The following SLC2A13 variants were observed in gnomAD, a reference collection of about 807,000 sequenced individuals.
SLC2A13 encodes the protein solute carrier family 2 member 13, also known as proton myo-inositol cotransporter.
A neutral mutation model predicts 64.4 loss-of-function variants in SLC2A13; 32 were observed. The ratio of observed to expected loss-of-function variants is 0.50; its 90% CI spans 0.37 to 0.67. The LOEUF (loss-of-function observed/expected upper bound fraction) is 0.67. SLC2A13 is among the 30% of genes least tolerant of loss of function. The pLI is 0.00. For synonymous variants in SLC2A13, 338 were observed against 327.1 expected (o/e 1.03, Z -0.36); for missense variants, 743 against 829.2 (o/e 0.90, Z 1.28).
chr12:40,091,278 T>C (rs1000873336), intron 1 of SLC2A13, among the ~76,000 whole-genome samples: 1 of 152,226 alleles, frequency 6.6e-6, no homozygotes, highest in African/African-American at 2.4e-5. Context: ...AATAAGATCC[T>C]TGAATTCCAC....
At chr12:39,910,045 A>G (rs942626213) in intron 4 of SLC2A13, among the ~76,000 whole-genome samples, 1 of 152,186 alleles carries the variant, frequency 6.6e-6, no homozygotes, top group African/African-American at 2.4e-5. Flanking sequence ...CCTTAGATAC[A>G]TTAGTGTTAT....
chr12:39,794,752 C>T (rs1405118802), intron 7 of SLC2A13, among the ~76,000 whole-genome samples: 9 of 152,136 alleles, frequency 5.9e-5, no homozygotes. Context: ...GCCTGATTTG[C>T]GAATCATTCT....
chr12:39,850,003 T>G (rs1332527744), intron 6 of SLC2A13, among the ~76,000 whole-genome samples: 1 of 152,166 alleles, frequency 6.6e-6, no homozygotes, highest in South Asian at 2.1e-4. Context: ...TCTTTCCTCA[T>G]TTTTCTTGAA....
chr12:39,812,223 A>G (rs1422576416), intron 7 of SLC2A13, among the ~76,000 whole-genome samples: 1 of 152,096 alleles, frequency 6.6e-6, no homozygotes, highest in East Asian at 1.9e-4. Flanking sequence ...GAGGGAATCT[A>G]TCTGGGGCCC....
chr12:39,792,847 C>T (rs922625508), intron 7 of SLC2A13, among the ~76,000 whole-genome samples: 1 of 151,254 alleles, frequency 6.6e-6, no homozygotes, highest in African/African-American at 2.4e-5. Flanking sequence ...CAGTTCAAAC[C>T]GATATTGTTC....
intron 3 of SLC2A13, among the ~76,000 whole-genome samples, chr12:39,999,763 G>A (rs1947293646): frequency 6.6e-6 from 1 of 152,156 alleles, no homozygotes; most frequent in Non-Finnish European, 1.5e-5. Flanking sequence ...GCCCTTTGCT[G>A]TTTCCTCAGA....
At chr12:39,971,309 A>G (rs1349114326) in intron 3 of SLC2A13, among the ~76,000 whole-genome samples, 1 of 152,228 alleles carries the variant, frequency 6.6e-6, no homozygotes, top group Non-Finnish European at 1.5e-5. Context: ...AGCTTACTAT[A>G]AGTGCTCAAT....
At chr12:39,936,020 C>G (rs1218528552) in intron 4 of SLC2A13, among the ~76,000 whole-genome samples, 1 of 152,174 alleles carries the variant, frequency 6.6e-6, no homozygotes, top group Non-Finnish European at 1.5e-5. Flanking sequence ...CAAAGATGGG[C>G]AAAAGCCACA....
intron 6 of SLC2A13, among the ~76,000 whole-genome samples, chr12:39,841,449 G>C (rs1943174517): frequency 6.6e-6 from 1 of 152,050 alleles, no homozygotes; most frequent in Non-Finnish European, 1.5e-5. Flanking sequence ...CAACTCCAGT[G>C]GGGGTTAAGT....
intron 6 of SLC2A13, among the ~76,000 whole-genome samples, chr12:39,833,914 A>C (rs1423567766): frequency 6.6e-6 from 1 of 150,450 alleles, no homozygotes; most frequent in Non-Finnish European, 1.5e-5. Context: ...AAAAAAAAAA[A>C]TCTCTGACCT....
intron 1 of SLC2A13, among the ~76,000 whole-genome samples, chr12:40,055,945 A>C (rs1347209725): frequency 6.6e-6 from 1 of 151,770 alleles, no homozygotes; most frequent in Non-Finnish European, 1.5e-5. Context: ...AGCTGCTTGC[A>C]TAACAACTAA....
intron 7 of SLC2A13, among the ~76,000 whole-genome samples, chr12:39,793,967 G>C (rs753296355): frequency 3.3e-5 from 5 of 151,904 alleles, no homozygotes; most frequent in Non-Finnish European, 7.4e-5. Context: ...CCTTGGCCAA[G>C]AAGAGGGATG....
At chr12:40,003,284 T>C (rs1947349333) in intron 3 of SLC2A13, among the ~76,000 whole-genome samples, 1 of 152,234 alleles carries the variant, frequency 6.6e-6, no homozygotes, top group Non-Finnish European at 1.5e-5. Flanking sequence ...AGTATATGAA[T>C]TACCCTATTT....
intron 4 of SLC2A13, among the ~76,000 whole-genome samples, chr12:39,948,720 A>G (rs1333923228): frequency 2.0e-5 from 3 of 152,192 alleles, no homozygotes; most frequent in Non-Finnish European, 4.4e-5. Flanking sequence ...GAATTAAAAT[A>G]AAGAAAAGCA....
intron 3 of SLC2A13, among the ~76,000 whole-genome samples, chr12:40,015,169 G>GA (rs1226017053): frequency 2.3e-4 from 33 of 142,504 alleles, no homozygotes; most frequent in East Asian, 6.0e-4. Flanking sequence ...CATTTAAGAA[G>GA]AAAAAAAAAA....
intron 1 of SLC2A13, among the ~76,000 whole-genome samples, chr12:40,100,643 G>A (rs986806296): frequency 6.6e-6 from 1 of 152,120 alleles, no homozygotes; most frequent in Non-Finnish European, 1.5e-5. Flanking sequence ...CTGAAAATGG[G>A]ATTGTGTGTA....
rs751983372 is a variant in SLC2A13, at chr12:40,096,086, AT to A, written c.556+9166del. 6.7e-3 allele frequency among the ~76,000 whole-genome samples: 946 copies of A among 140,974 alleles called. 5 individuals carry two copies. The highest frequency in any genetic ancestry group is 7.5e-3 in the Middle Eastern group (2 of 268). The allele number at this position is 140,974 out of a possible 152,430, so 92.5% of individuals were successfully genotyped here. A position where few individuals can be genotyped will look rare whatever the true frequency, so the allele number is the denominator to read the frequency against. On this transcript the variant is annotated intron_variant, in intron 1 of 9. Transcript: ENST00000280871. The stretch of plus-strand genomic sequence containing the variant: ...AGTAGCCCGCCACCACGCCTGGCTA[AT>A]TTTTTTTTTTTTTTGTACTTTTTAG...
chr12:39,774,584 CTTTT>C (rs11322999), intron 7 of SLC2A13, among the ~76,000 whole-genome samples: 3 of 130,260 alleles, frequency 2.3e-5, no homozygotes, highest in Non-Finnish European at 3.3e-5. Context: ...ATTGTCCAGC[CTTTT>C]TTTTTTTTTT....
rs1000439268 is a variant in SLC2A13 at position 39,811,210 on chromosome 12, C to T, written c.1445+18893G>A. On this transcript the variant is annotated intron_variant, in intron 7 of 9. Coordinates refer to ENST00000280871, the MANE Select transcript of SLC2A13 (RefSeq NM_052885.4). ...AGTTGGGTCTCCTTTTCTCCCTAAACGAGTCCAGCTATGACTTAATCTGCT... is the reference window on the plus strand; with the variant it reads ...AGTTGGGTCTCCTTTTCTCCCTAAATGAGTCCAGCTATGACTTAATCTGCT... Among the ~76,000 whole-genome samples the T allele has an allele frequency of 6.6e-5, 10 of 151,974 alleles. No homozygotes were observed. In the South Asian group the frequency reaches 8.3e-4, roughly 13 times the overall value.
Sources: gnomAD v4.1 joint callset for allele counts (sites outside exome capture counted in the v4.1 genomes callset) on GRCh38, gnomAD v4.1.1 for gene constraint, MANE v1.5 for transcripts, NCBI Gene and HGNC (gene_info 2026-07-23, HGNC 2026-07-21) for gene names.